The following NEMP2 variants were observed in gnomAD, a reference collection of about 807,000 sequenced individuals.
NEMP2 encodes nuclear envelope integral membrane protein 2.
A neutral mutation model predicts 54.2 loss-of-function variants in NEMP2; 53 were observed. The ratio of observed to expected loss-of-function variants is 0.98; its 90% confidence interval spans 0.78 to 1.23. The LOEUF (loss-of-function observed/expected upper bound fraction) is 1.23. Ranked by LOEUF, NEMP2 falls within the 50% of genes most tolerant of loss-of-function variation. The pLI is 0.00. For missense variants in NEMP2, 455 were observed against 511.3 expected (o/e 0.89, Z 1.06); for synonymous variants, 197 against 190.3 (o/e 1.04, Z -0.29).
chr2:190,571,124 G>A, the NEMP2 span, among the ~76,000 whole-genome samples: 2 of 152,194 alleles, frequency 1.3e-5, no homozygotes, highest in Non-Finnish European at 2.9e-5. Context: ...TTTATTTTCT[G>A]TGAGATGGAG....
chr2:190,540,347 G>A, the NEMP2 span, among the ~76,000 whole-genome samples: 30 of 151,372 alleles, frequency 2.0e-4, no homozygotes, highest in Non-Finnish European at 2.8e-4. Context: ...ACAGTGGCAC[G>A]ATCATGGGTC....
At chr2:190,499,290 G>A in the NEMP2 span, among the ~76,000 whole-genome samples, 1 of 152,158 alleles carries the variant, frequency 6.6e-6, no homozygotes, top group East Asian at 1.9e-4. This position sits in a 1 kb window ranked among gnomAD's most constrained non-coding sequence, Gnocchi z 6.0. Flanking sequence ...TCACAGAAAT[G>A]AACATTTTTA....
the NEMP2 span, among the ~76,000 whole-genome samples, chr2:190,440,100 A>G: frequency 4.6e-5 from 7 of 152,216 alleles, no homozygotes; most frequent in Non-Finnish European, 1.0e-4. Flanking sequence ...TTATTTCAGT[A>G]CTTTGTGGTT....
At chr2:190,475,242 G>C in the NEMP2 span, among the ~76,000 whole-genome samples, 2 of 152,262 alleles carry the variant, frequency 1.3e-5, no homozygotes, top group African/African-American at 4.8e-5. Context: ...AGGAAATAAA[G>C]GGTATTCAAT....
Position 190,510,656 on chromosome 2 carries a change from C to T in NEMP2, c.954-119G>A, listed in dbSNP as rs567353031. On this transcript the variant is annotated intron_variant, in intron 7 of 8. Coordinates refer to ENST00000409150, the MANE Select transcript of NEMP2 (RefSeq NM_001142645.2). This position sits in a 1 kb window ranked among gnomAD's most constrained non-coding sequence, Gnocchi z 5.7. ...CAGCATTTTGGGAGGCCTGGGGAGG[C>T]GGATCACGAGGTCAGGAGATTGAGA... 222 of 923,092 alleles carry T rather than the reference C, an allele frequency of 2.4e-4. No homozygotes were observed. The African/African-American group carries it at 3.1e-3, about 13-fold the overall frequency. The allele number at this position is 923,092 out of a possible 1,614,324, so 57.2% of individuals were successfully genotyped here. A position where few individuals can be genotyped will look rare whatever the true frequency, so the allele number is the denominator to read the frequency against.
At chr2:190,478,547 CT>C in the NEMP2 span, among the ~76,000 whole-genome samples, 1 of 152,188 alleles carries the variant, frequency 6.6e-6, no homozygotes, top group African/African-American at 2.4e-5. Flanking sequence ...GTCCAAATGG[CT>C]TTAAAGTCCG....
chr2:190,581,341 C>T, the NEMP2 span, among the ~76,000 whole-genome samples: 2 of 152,170 alleles, frequency 1.3e-5, no homozygotes, highest in South Asian at 2.1e-4. Context: ...ATGTGTTACA[C>T]ATCAGCTTTA....
the NEMP2 span, among the ~76,000 whole-genome samples, chr2:190,643,140 T>C: frequency 1.1e-4 from 16 of 149,192 alleles, no homozygotes; most frequent in South Asian, 2.2e-4. Flanking sequence ...CTTTTAAACA[T>C]ATATTCACTG....
At chr2:190,437,602 CT>C in the NEMP2 span, 1 of 1,576,086 alleles carries the variant, frequency 6.3e-7, no homozygotes, top group Non-Finnish European at 8.6e-7. This position sits in a 1 kb window ranked among gnomAD's most constrained non-coding sequence, Gnocchi z 5.9. Context: ...AGCAATTGAA[CT>C]TTATCTTTTT....
chr2:190,549,663 G>A, the NEMP2 span, among the ~76,000 whole-genome samples: 7 of 151,418 alleles, frequency 4.6e-5, no homozygotes, highest in African/African-American at 1.7e-4. Context: ...TCCTATCTTC[G>A]ACCAATAGGA....
rs147935476 is a variant in NEMP2 at position 190,525,114 on chromosome 2, C to G, written c.213+149G>C. The G allele has an allele frequency of 1.5e-4, 81 of 540,056 alleles. No individual in the cohort carries two copies. The highest frequency in any genetic ancestry group is 1.5e-3 in the African/African-American group (78 of 52,418). 33.5% of individuals were successfully genotyped at this position (540,056 alleles called of 1,614,324 possible). ...CTCACACTGCTCACCCATTGAACCACTGTGTGTGATCCTCAAGTCAGCTTT... is the reference window on the plus strand; with the variant it reads ...CTCACACTGCTCACCCATTGAACCAGTGTGTGTGATCCTCAAGTCAGCTTT... On this transcript the variant is annotated intron_variant, in intron 2 of 8. Transcript: ENST00000409150. This position sits in a 1 kb window ranked among gnomAD's most constrained non-coding sequence, Gnocchi z 5.0.
At chr2:190,604,926 TTAAGTCACC>T in the NEMP2 span, among the ~76,000 whole-genome samples, 2 of 152,194 alleles carry the variant, frequency 1.3e-5, no homozygotes, top group African/African-American at 2.4e-5. This position sits in a 1 kb window ranked among gnomAD's most constrained non-coding sequence, Gnocchi z 4.5. Flanking sequence ...GTTAATTCAG[TTAAGTCACC>T]TAGTTGCTTA....
the NEMP2 span, chr2:190,620,178 T>C: frequency 1.3e-5 from 2 of 152,184 alleles, no homozygotes; most frequent in African/African-American, 4.8e-5. This position sits in a 1 kb window ranked among gnomAD's most constrained non-coding sequence, Gnocchi z 4.9. Context: ...TTTTCTAGAG[T>C]TGACACCTTT....
In NEMP2 at chr2:190,506,776, C is replaced by G. The variant is rs918885981; in HGVS notation, c.*2413G>C. ...GGTGTCAAAGAGTTCAACTTGCTAA[C>G]AACAGTAAGCTTTTGTAGGCACCAA... On this transcript the variant is annotated 3_prime_UTR_variant, in exon 9 of 9. Transcript: ENST00000409150. This position sits in a 1 kb window ranked among gnomAD's most constrained non-coding sequence, Gnocchi z 6.3. 1.3e-5 allele frequency: 2 copies of G among 152,200 alleles called. No homozygotes were observed. Among genetic ancestry groups the G allele is most frequent in the Non-Finnish European group, 2.9e-5 (2 of 68,042 alleles). The allele number at this position is 152,200 out of a possible 1,614,324, so 9.4% of individuals were successfully genotyped here.
the NEMP2 span, among the ~76,000 whole-genome samples, chr2:190,432,443 C>G: frequency 3.3e-5 from 5 of 152,162 alleles, 1 homozygote; most frequent in Admixed American, 3.3e-4. Context: ...GAGACAGAGT[C>G]TTGCTCCGTC....
At position 190,533,920 on chromosome 2, in the gene NEMP2, C is replaced by G. The variant is rs1301308010; in HGVS notation, c.97+639G>C. 9.4e-6 allele frequency: 9 copies of G among 954,144 alleles called. No individual in the cohort carries two copies. The African/African-American group carries it at 1.6e-4, about 17-fold the overall frequency. The allele number at this position is 954,144 out of a possible 1,614,324, so 59.1% of individuals were successfully genotyped here. A position where few individuals can be genotyped will look rare whatever the true frequency, so the allele number is the denominator to read the frequency against. ...ATCTTAAGCCCACTCCGTGGCGAGC[C>G]CCTACAGCTAGCAGCCGCTACCAGT... On this transcript the variant is annotated intron_variant, in intron 1 of 8. Transcript: ENST00000409150. This position sits in a 1 kb window ranked among gnomAD's most constrained non-coding sequence, Gnocchi z 4.3.
Position 190,533,867 on chromosome 2 carries a change from T to C in NEMP2, c.97+692A>G, listed in dbSNP as rs948318915. Reference sequence around the variant, plus strand: ...AGGTTTCTGACTTCCCCAGGTGTCCTTCCCAGATCCTTCCCCAGTGTGCCA... The same window carrying C: ...AGGTTTCTGACTTCCCCAGGTGTCCCTCCCAGATCCTTCCCCAGTGTGCCA... On this transcript the variant is annotated intron_variant, in intron 1 of 8. Transcript: ENST00000409150. The surrounding 1 kb of genome is among the most constrained non-coding windows in gnomAD (Gnocchi z 4.3). 2.0e-5 allele frequency: 12 copies of C among 612,496 alleles called. No individual in the cohort carries two copies. Among genetic ancestry groups the C allele is most frequent in the Non-Finnish European group, 2.2e-5 (11 of 488,976 alleles). The allele number at this position is 612,496 out of a possible 1,614,324, so 37.9% of individuals were successfully genotyped here.
chr2:190,600,032 A>G, the NEMP2 span, among the ~76,000 whole-genome samples: 1 of 152,172 alleles, frequency 6.6e-6, no homozygotes, highest in Non-Finnish European at 1.5e-5. The surrounding 1 kb of genome is among the most constrained non-coding windows in gnomAD (Gnocchi z 4.9). Context: ...TGTGTGTGTC[A>G]CTTCCTACAT....
the NEMP2 span, among the ~76,000 whole-genome samples, chr2:190,477,612 TA>T: frequency 6.6e-6 from 1 of 152,146 alleles, no homozygotes; most frequent in East Asian, 1.9e-4. Context: ...AAAGATATAT[TA>T]AATGGTGACT....
Sources: gnomAD v4.1 joint callset for allele counts (sites outside exome capture counted in the v4.1 genomes callset) on GRCh38, gnomAD v4.1.1 for gene constraint, Gnocchi (gnomAD v3.1) non-coding constraint, MANE v1.5 for transcripts, NCBI Gene and HGNC (gene_info 2026-07-23, HGNC 2026-07-21) for gene names.